LAT2: variants seen among roughly 807,000 people sequenced by gnomAD.
The protein encoded by LAT2 is linker for activation of T-cells family member 2.
In LAT2, 23 loss-of-function variants were observed where a neutral mutation model predicts 43.4. The observed-to-expected ratio is 0.53, with a 90% CI of 0.38 to 0.75. The LOEUF (loss-of-function observed/expected upper bound fraction) is 0.75. Ranked by LOEUF, LAT2 falls within the 30% of genes least tolerant of loss-of-function variation. LAT2 has a pLI of 0.00. For synonymous variants in LAT2, 128 were observed against 123.2 expected (o/e 1.04, Z -0.26); for missense variants, 284 against 310.2 (o/e 0.92, Z 0.64).
chr7:74,228,258 C>G (rs1802567894), intron 13 of LAT2, among the ~76,000 whole-genome samples: 2 of 143,552 alleles, frequency 1.4e-5, no homozygotes, highest in Non-Finnish European at 3.0e-5. Flanking sequence ...GGGCGGATCA[C>G]AAGGTCAGGA....
At chr7:74,216,394 AGAGTCTT>A (rs1802049051) in intron 3 of LAT2, among the ~76,000 whole-genome samples, 2 of 151,930 alleles carry the variant, frequency 1.3e-5, no homozygotes, top group African/African-American at 4.8e-5. Context: ...TTTTTTGGAC[AGAGTCTT>A]GCTCTGGTCT....
rs1252988686 is a variant in LAT2 at position 74,219,767 on chromosome 7, C to T, written c.158C>T (p.Thr53Met). Residue 53 changes from threonine (T) to methionine (M), a missense_variant, in exon 5 of 14, where the codon ACG becomes ATG. Transcript: ENST00000460943. ...AGGCGTGAGGACCAACAGAGCTTTA[C>T]GGGGTCCCGGACCTACTCCTGTGAG... ...RSLREDQQSF[T>M]GSRTYSLVGQ... 11 of 1,614,034 alleles carry T rather than the reference C, an allele frequency of 6.8e-6. No homozygotes were observed. Among genetic ancestry groups the T allele is most frequent in the African/African-American group, 5.3e-5 (4 of 74,944 alleles).
intron 1 of LAT2, among the ~76,000 whole-genome samples, chr7:74,214,391 T>A (rs370097311): frequency 6.3e-4 from 38 of 60,782 alleles, no homozygotes; most frequent in African/African-American, 2.4e-3. Context: ...TATATATAAA[T>A]ATATATATAT....
At chr7:74,222,076 C>CT (rs3837129) in intron 10 of LAT2, among the ~76,000 whole-genome samples, 17,639 of 151,636 alleles carry the variant, frequency 0.12, 1,227 homozygotes, top group Admixed American at 0.17. Context: ...CGCTGAATGC[C>CT]TTTGCTTTAT....
intron 10 of LAT2, among the ~76,000 whole-genome samples, chr7:74,222,718 C>T (rs960595663): frequency 2.6e-5 from 4 of 152,058 alleles, no homozygotes; most frequent in South Asian, 2.1e-4. Context: ...AGATTACAGG[C>T]GCCTGCCACC....
At chr7:74,214,750 T>TATATATATATAAACATATATATATAA (rs1206796717) in intron 1 of LAT2, 72 bp from the exon 2 acceptor site, 1 of 76,840 alleles carries the variant, frequency 1.3e-5, no homozygotes, top group African/African-American at 6.4e-5. Context: ...AATATATAAA[T>TATATATATATAAACATATATATATAA]ATATATATAT....
chr7:74,218,996 T>C (rs1802147300), intron 4 of LAT2, among the ~76,000 whole-genome samples: 1 of 139,398 alleles, frequency 7.2e-6, no homozygotes, highest in Non-Finnish European at 1.5e-5. Flanking sequence ...CCATGCCGGG[T>C]CTAGAGTGTG....
intron 4 of LAT2, among the ~76,000 whole-genome samples, chr7:74,219,454 G>C (rs576414788): frequency 6.6e-6 from 1 of 152,332 alleles, no homozygotes; most frequent in African/African-American, 2.4e-5. Flanking sequence ...CCCACCGGCA[G>C]GATGTGGCCC....
chr7:74,222,250 A>C (rs1268457147), intron 10 of LAT2, among the ~76,000 whole-genome samples: 3 of 148,916 alleles, frequency 2.0e-5, no homozygotes, highest in African/African-American at 7.6e-5. Flanking sequence ...AAAAAAAAAA[A>C]ATTAGCCAGG....
At chr7:74,211,287 A>T (rs956514541) in intron 1 of LAT2, among the ~76,000 whole-genome samples, 2 of 151,972 alleles carry the variant, frequency 1.3e-5, no homozygotes, top group African/African-American at 4.8e-5. Context: ...GAGAGCACAG[A>T]ATTTTTTTAA....
At chr7:74,214,775 A>AT (rs1563968777) in intron 1 of LAT2, 47 bp from the exon 2 acceptor site, 6 of 16,228 alleles carry the variant, frequency 3.7e-4, no homozygotes, top group East Asian at 1.4e-3. Context: ...ATATATATAT[A>AT]AATATATATA....
chr7:74,227,710 A>G (rs1379953639), intron 13 of LAT2, among the ~76,000 whole-genome samples: 5 of 152,134 alleles, frequency 3.3e-5, no homozygotes, highest in Non-Finnish European at 7.3e-5. Context: ...CTGTCTCTAC[A>G]TAATATACAA....
intron 1 of LAT2, among the ~76,000 whole-genome samples, chr7:74,214,175 T>C (rs1554713682): frequency 9.9e-6 from 1 of 100,790 alleles, no homozygotes; most frequent in East Asian, 2.5e-4. Context: ...AATATATATA[T>C]GAAAATATAT....
At chr7:74,219,853 C>G in intron 5 of LAT2, 66 bp downstream of exon 5, 1 of 1,611,140 alleles carries the variant, frequency 6.2e-7, no homozygotes, top group Non-Finnish European at 8.5e-7. Flanking sequence ...TTATCTCGGT[C>G]CCCATTGACC....
intron 4 of LAT2, among the ~76,000 whole-genome samples, chr7:74,217,880 A>G (rs1207892242): frequency 6.6e-6 from 1 of 152,210 alleles, no homozygotes; most frequent in African/African-American, 2.4e-5. Context: ...TCCTTTTGCA[A>G]CTGAAAAACC....
rs1491373376 is a variant in LAT2 at position 74,214,150 on chromosome 7, A to ATG, written c.-218-672_-218-671insTG. ...TAAATATATATATGAAAATATATAT[A>ATG]AATATATATATGAAAATATATATAT... On this transcript the variant is annotated intron_variant, in intron 1 of 13. Coordinates refer to ENST00000460943, the MANE Select transcript of LAT2 (RefSeq NM_032464.3). Among the ~76,000 whole-genome samples, 175 of 65,518 alleles carry ATG rather than the reference A, an allele frequency of 2.7e-3. 4 individuals are homozygous for ATG. Among genetic ancestry groups the ATG allele is most frequent in the Non-Finnish European group, 3.4e-3 (126 of 36,952 alleles). 43.0% of individuals were successfully genotyped at this position (65,518 alleles called of 152,430 possible).
At chr7:74,222,326 G>A (rs1204328258) in intron 10 of LAT2, among the ~76,000 whole-genome samples, 71 of 150,646 alleles carry the variant, frequency 4.7e-4, no homozygotes, top group Admixed American at 4.0e-4. Flanking sequence ...GCTTGAACCC[G>A]GGAGGCGGAG....
chr7:74,210,480 G>A (rs1408407698), intron 1 of LAT2, among the ~76,000 whole-genome samples: 1 of 152,090 alleles, frequency 6.6e-6, no homozygotes, highest in Non-Finnish European at 1.5e-5. Flanking sequence ...ACAGGCCAGG[G>A]CCCAGGTCTT....
intron 10 of LAT2, among the ~76,000 whole-genome samples, chr7:74,222,837 A>G (rs1414265828): frequency 6.6e-6 from 1 of 152,104 alleles, no homozygotes; most frequent in African/African-American, 2.4e-5. Flanking sequence ...GGCCTCCCAA[A>G]GTGCTGGGAT....
Sources: allele counts gnomAD v4.1 joint callset (sites outside exome capture counted in the v4.1 genomes callset), GRCh38; gene constraint gnomAD v4.1.1; transcripts MANE v1.5; gene names NCBI Gene and HGNC (gene_info 2026-07-23, HGNC 2026-07-21).